Variants in LHFPL3 observed in about 807,000 individuals in gnomAD.
LHFPL3 encodes LHFPL tetraspan subfamily member 3, also known as LHFPL tetraspan subfamily member 3 protein.
LHFPL3 carries 5 observed loss-of-function variants against 19.3 expected under a neutral mutation model. The ratio of observed to expected loss-of-function variants is 0.26; its 90% CI spans 0.14 to 0.54. The LOEUF is 0.54. Among genes scored for constraint, LHFPL3 ranks in the 20% least tolerant of loss-of-function variants. The pLI is 0.94. For missense variants in LHFPL3, 249 were observed against 307.4 expected, an observed-to-expected ratio of 0.81 and a Z score of 1.42; for synonymous variants, 133 against 126.2, an observed-to-expected ratio of 1.05 and a Z score of -0.36.
At chr7:104,821,503 T>C (rs1479743546) in intron 2 of LHFPL3, among the ~76,000 whole-genome samples, 1 of 152,190 alleles carries the variant, frequency 6.6e-6, no homozygotes, top group Non-Finnish European at 1.5e-5. Flanking sequence ...CTCAAGTACA[T>C]TTACCTATCC....
chr7:104,779,431 G>A (rs1048438586), intron 2 of LHFPL3, among the ~76,000 whole-genome samples: 6 of 152,170 alleles, frequency 3.9e-5, no homozygotes, highest in African/African-American at 1.2e-4. Flanking sequence ...ACAGAGTGAA[G>A]GGTTTTAATT....
At chr7:104,709,586 A>T (rs11762592) in intron 1 of LHFPL3, among the ~76,000 whole-genome samples, 5,949 of 150,434 alleles carry the variant, frequency 0.04, 148 homozygotes, top group Middle Eastern at 0.055. Flanking sequence ...AGGCAGAAGA[A>T]TTTTTCTTAG....
chr7:104,640,536 T>G lies in LHFPL3; in HGVS notation c.446-96139T>G, dbSNP rs139622513. 4.5e-3 allele frequency among the ~76,000 whole-genome samples: 683 copies of G among 152,326 alleles called. 41 individuals are homozygous for G. The East Asian group carries it at 0.11, about 25-fold the overall frequency. ...CGGTCTATCATTGATGGGCATTTGG[T>G]TTGGTTCCAAGTCTTTGCTATTATA... On this transcript the variant is annotated intron_variant, in intron 1 of 2. Transcript: ENST00000424859.
At chr7:104,414,950 A>G (rs1791594184) in intron 1 of LHFPL3, among the ~76,000 whole-genome samples, 2 of 152,218 alleles carry the variant, frequency 1.3e-5, no homozygotes, top group East Asian at 1.9e-4. Flanking sequence ...GCATTCATTC[A>G]TGGGTCAGCC....
intron 1 of LHFPL3, among the ~76,000 whole-genome samples, chr7:104,736,186 C>G (rs1017862425): frequency 6.6e-6 from 1 of 151,936 alleles, no homozygotes; most frequent in African/African-American, 2.4e-5. Context: ...AGGGGTGATC[C>G]CAATATAAAA....
In LHFPL3 at chr7:104,779,374, T is replaced by C. The variant is rs557357530; in HGVS notation, c.682+42463T>C. Reference sequence around the variant, plus strand: ...GAGGGCAGGGAAATGACTTATTTATTTTTGTATGTTTCATAACCAAAATAT... The same window carrying C: ...GAGGGCAGGGAAATGACTTATTTATCTTTGTATGTTTCATAACCAAAATAT... On this transcript the variant is annotated intron_variant, in intron 2 of 2. Coordinates refer to ENST00000424859, the MANE Select transcript of LHFPL3 (RefSeq NM_199000.3). 3.3e-4 allele frequency among the ~76,000 whole-genome samples: 50 copies of C among 152,336 alleles called. 1 individual carries two copies. Among genetic ancestry groups the C allele is most frequent in the Middle Eastern group, 3.4e-3 (1 of 294 alleles).
chr7:104,343,454 G>A lies in LHFPL3; in HGVS notation c.445+14230G>A, dbSNP rs374186070. Among the ~76,000 whole-genome samples the A allele has an allele frequency of 2.5e-3, 355 of 140,544 alleles. 7 individuals carry two copies. Among genetic ancestry groups the A allele is most frequent in the Non-Finnish European group, 2.7e-3 (180 of 65,790 alleles). The allele number at this position is 140,544 out of a possible 152,430, so 92.2% of individuals were successfully genotyped here. A position where few individuals can be genotyped will look rare whatever the true frequency, so the allele number is the denominator to read the frequency against. ...CTTGAACCCGGGAGGTGGAGGTTGCGGTGAGCCAAGATCACACCATTGCAC... is the reference window on the plus strand; with the variant it reads ...CTTGAACCCGGGAGGTGGAGGTTGCAGTGAGCCAAGATCACACCATTGCAC... On this transcript the variant is annotated intron_variant, in intron 1 of 2. Coordinates refer to ENST00000424859, the MANE Select transcript of LHFPL3 (RefSeq NM_199000.3).
At chr7:104,434,704 G>A (rs1170034486) in intron 1 of LHFPL3, among the ~76,000 whole-genome samples, 1 of 152,156 alleles carries the variant, frequency 6.6e-6, no homozygotes, top group African/African-American at 2.4e-5. Flanking sequence ...GACAGCTAGT[G>A]TGCAAATAGA....
At chr7:104,498,496 GTTT>G (rs35269120) in intron 1 of LHFPL3, among the ~76,000 whole-genome samples, 44 of 134,796 alleles carry the variant, frequency 3.3e-4, no homozygotes, top group Admixed American at 6.7e-4. Flanking sequence ...TGGAAGCAAT[GTTT>G]TTTTTTTTTT....
chr7:104,430,434 A>ACG (rs1562895281), intron 1 of LHFPL3, among the ~76,000 whole-genome samples: 24 of 14,318 alleles, frequency 1.7e-3, no homozygotes, highest in Non-Finnish European at 2.3e-3. Flanking sequence ...ATATATATAT[A>ACG]TATATATATA....
At chr7:104,739,187 T>G (rs971505842) in intron 2 of LHFPL3, among the ~76,000 whole-genome samples, 1 of 152,180 alleles carries the variant, frequency 6.6e-6, no homozygotes, top group African/African-American at 2.4e-5. Context: ...TTTCTAAGCC[T>G]TGTATAAAAT....
At chr7:104,716,299 AT>A (rs1296572669) in intron 1 of LHFPL3, among the ~76,000 whole-genome samples, 3 of 151,908 alleles carry the variant, frequency 2.0e-5, no homozygotes, top group African/African-American at 7.3e-5. Flanking sequence ...GTGAGCCAAG[AT>A]TGCACCACTG....
intron 1 of LHFPL3, among the ~76,000 whole-genome samples, chr7:104,719,873 T>A (rs1221706193): frequency 6.6e-6 from 1 of 152,194 alleles, no homozygotes; most frequent in East Asian, 1.9e-4. Flanking sequence ...CTCGAGCAAG[T>A]ATTTGACATT....
At chr7:104,414,859 T>G (rs191763238) in intron 1 of LHFPL3, among the ~76,000 whole-genome samples, 25 of 152,326 alleles carry the variant, frequency 1.6e-4, no homozygotes, top group African/African-American at 6.0e-4. Flanking sequence ...TCTAAAAATT[T>G]TAGTCACCAT....
At chr7:104,431,697 A>T (rs1180019709) in intron 1 of LHFPL3, among the ~76,000 whole-genome samples, 1 of 152,210 alleles carries the variant, frequency 6.6e-6, no homozygotes, top group Non-Finnish European at 1.5e-5. Flanking sequence ...GTTGGATATA[A>T]ATATGGAGCT....
intron 2 of LHFPL3, among the ~76,000 whole-genome samples, chr7:104,751,403 G>T (rs1205152344): frequency 1.3e-5 from 2 of 150,404 alleles, no homozygotes; most frequent in African/African-American, 4.9e-5. Flanking sequence ...TTTTTCCCAG[G>T]CTCTAAGGCA....
chr7:104,885,559 G>T (rs1041923426), intron 2 of LHFPL3, among the ~76,000 whole-genome samples: 2 of 151,884 alleles, frequency 1.3e-5, no homozygotes, highest in Non-Finnish European at 2.9e-5. Flanking sequence ...GTAACCTATC[G>T]CCAAATCCTA....
Position 104,802,437 on chromosome 7 carries a change from A to G in LHFPL3, c.682+65526A>G, listed in dbSNP as rs114706211. Reference sequence around the variant, plus strand: ...TTGAACCTGGAAGTTCAAGGCTACAATGAGCTATGATAGTGCCAGTGTTCC... The same window carrying G: ...TTGAACCTGGAAGTTCAAGGCTACAGTGAGCTATGATAGTGCCAGTGTTCC... On this transcript the variant is annotated intron_variant, in intron 2 of 2. Transcript: ENST00000424859. Among the ~76,000 whole-genome samples, 1,252 of 148,710 alleles carry G rather than the reference A, an allele frequency of 8.4e-3. 23 individuals carry two copies. The highest frequency in any genetic ancestry group is 0.028 in the African/African-American group (1,130 of 40,476).
At chr7:104,519,748 A>T (rs180938624) in intron 1 of LHFPL3, among the ~76,000 whole-genome samples, 1 of 152,058 alleles carries the variant, frequency 6.6e-6, no homozygotes, top group Non-Finnish European at 1.5e-5. Context: ...GGAGCCATAG[A>T]TTATAATTGA....
Sources: allele counts gnomAD v4.1 joint callset (sites outside exome capture counted in the v4.1 genomes callset), GRCh38; gene constraint gnomAD v4.1.1; transcripts MANE v1.5; gene names NCBI Gene and HGNC (gene_info 2026-07-23, HGNC 2026-07-21).